TBC1D5: variants seen among roughly 807,000 people sequenced by gnomAD.
TBC1D5 encodes the protein TBC1 domain family, member 5.
Under a neutral mutation model 100.3 loss-of-function variants are expected in TBC1D5, and 75 were observed. The ratio of observed to expected loss-of-function variants is 0.75; its 90% CI spans 0.62 to 0.91. The LOEUF (loss-of-function observed/expected upper bound fraction) is 0.91. Ranked by LOEUF, TBC1D5 falls within the 40% of genes least tolerant of loss-of-function variation. TBC1D5 has a pLI of 0.00. For synonymous variants in TBC1D5, 323 were observed against 325.6 expected, an observed-to-expected ratio of 0.99 and a Z score of 0.09; for missense variants, 910 against 942.4, an observed-to-expected ratio of 0.97 and a Z score of 0.45.
chr3:17,651,080 T>A (rs1232417725), intron 1 of TBC1D5, among the ~76,000 whole-genome samples: 1 of 152,186 alleles, frequency 6.6e-6, no homozygotes, highest in Non-Finnish European at 1.5e-5. Context: ...TTTTTTTTCC[T>A]TCCTTAAAAC....
At chr3:17,431,326 C>T (rs2094444624) in intron 3 of TBC1D5, among the ~76,000 whole-genome samples, 1 of 151,868 alleles carries the variant, frequency 6.6e-6, no homozygotes, top group African/African-American at 2.4e-5. Context: ...GCACAAATAT[C>T]TAAAATGTGG....
intron 9 of TBC1D5, among the ~76,000 whole-genome samples, chr3:17,380,788 A>T (rs2092915520): frequency 6.6e-6 from 1 of 152,112 alleles, no homozygotes; most frequent in African/African-American, 2.4e-5. Flanking sequence ...GGCATCAGGC[A>T]GTCAAAGTTC....
intron 1 of TBC1D5, among the ~76,000 whole-genome samples, chr3:17,694,232 TAC>T (rs1215259727): frequency 6.6e-6 from 1 of 152,110 alleles, no homozygotes; most frequent in Non-Finnish European, 1.5e-5. Context: ...AATAAAGCTG[TAC>T]AGAGAACGAC....
At chr3:17,193,618 A>G (rs1375717096) in intron 18 of TBC1D5, among the ~76,000 whole-genome samples, 2 of 152,204 alleles carry the variant, frequency 1.3e-5, no homozygotes, top group Non-Finnish European at 2.9e-5. Context: ...ACTAAAAAAG[A>G]TCTTCATTTC....
intron 2 of TBC1D5, among the ~76,000 whole-genome samples, chr3:17,611,099 G>C (rs367644148): frequency 2.8e-4 from 42 of 152,224 alleles, no homozygotes; most frequent in African/African-American, 9.1e-4. Context: ...TAATGATAAT[G>C]ATGATGAATG....
In TBC1D5 at chr3:17,710,724, G is replaced by A. The variant is rs1197953145; in HGVS notation, c.-101+28619C>T. 2.0e-5 allele frequency among the ~76,000 whole-genome samples: 3 copies of A among 152,124 alleles called. No homozygotes were observed. In the East Asian group the frequency reaches 5.8e-4, roughly 29 times the overall value. ...ATTTATTTATTTATTTTGAGACAGAGCCTCGCTCTGTTGCCCAGGCTGGTG... is the reference window on the plus strand; with the variant it reads ...ATTTATTTATTTATTTTGAGACAGAACCTCGCTCTGTTGCCCAGGCTGGTG... On this transcript the variant is annotated intron_variant, in intron 1 of 21. Coordinates refer to ENST00000253692, the Ensembl canonical transcript of TBC1D5.
chr3:17,585,810 T>C (rs926222304), intron 2 of TBC1D5, among the ~76,000 whole-genome samples: 2 of 152,200 alleles, frequency 1.3e-5, no homozygotes, highest in Non-Finnish European at 2.9e-5. Context: ...TTTGTTTCGG[T>C]TTCATTTATA....
intron 13 of TBC1D5, among the ~76,000 whole-genome samples, chr3:17,349,073 G>A (rs2090246929): frequency 6.6e-6 from 1 of 152,102 alleles, no homozygotes. Flanking sequence ...TGAGATTAAT[G>A]GCATCTGATG....
At chr3:17,388,856 C>T (rs1016110136) in intron 8 of TBC1D5, among the ~76,000 whole-genome samples, 6 of 151,936 alleles carry the variant, frequency 3.9e-5, no homozygotes, top group African/African-American at 1.5e-4. Flanking sequence ...GAGACACACC[C>T]TGTCTCGAAC....
At chr3:17,719,491 A>G (rs907274090) in intron 1 of TBC1D5, among the ~76,000 whole-genome samples, 2 of 152,138 alleles carry the variant, frequency 1.3e-5, no homozygotes, top group African/African-American at 4.8e-5. Context: ...TTTTCTTAAC[A>G]GTATTACAGA....
At chr3:17,395,770 CTGCAA>C (rs2093486428) in intron 8 of TBC1D5, among the ~76,000 whole-genome samples, 1 of 152,092 alleles carries the variant, frequency 6.6e-6, no homozygotes, top group Non-Finnish European at 1.5e-5. Context: ...AATGAAAGCA[CTGCAA>C]CTATATTTTC....
intron 1 of TBC1D5, among the ~76,000 whole-genome samples, chr3:17,633,764 T>G (rs572075740): frequency 1.1e-3 from 163 of 152,238 alleles, no homozygotes; most frequent in Non-Finnish European, 1.9e-3. Context: ...ATTTAAAAAT[T>G]AATTATAAAA....
chr3:17,573,844 C>T (rs1216678250), intron 2 of TBC1D5, among the ~76,000 whole-genome samples: 1 of 151,898 alleles, frequency 6.6e-6, no homozygotes, highest in Non-Finnish European at 1.5e-5. Context: ...TCACATAATT[C>T]ATCACACTAG....
chr3:17,689,195 A>C (rs1484832872), intron 1 of TBC1D5, among the ~76,000 whole-genome samples: 1 of 152,204 alleles, frequency 6.6e-6, no homozygotes, highest in South Asian at 2.1e-4. Context: ...AATAGCAAAC[A>C]AACAAAAAAG....
chr3:17,186,670 AC>A (rs1278634333), intron 18 of TBC1D5, among the ~76,000 whole-genome samples: 2 of 130,630 alleles, frequency 1.5e-5, no homozygotes, highest in Admixed American at 1.8e-4. Context: ...AGATCATGCC[AC>A]TGCACTCCAG....
chr3:17,246,531 T>A (rs528608222), intron 16 of TBC1D5, among the ~76,000 whole-genome samples: 3 of 152,294 alleles, frequency 2.0e-5, no homozygotes, highest in South Asian at 2.1e-4. Flanking sequence ...TGCTATAAAG[T>A]TATATGATTA....
intron 15 of TBC1D5, among the ~76,000 whole-genome samples, chr3:17,263,702 G>C (rs745411716): frequency 1.3e-5 from 2 of 152,178 alleles, no homozygotes; most frequent in Non-Finnish European, 2.9e-5. Context: ...TGTGGACAAA[G>C]TGACTTACAG....
chr3:17,683,998 G>C (rs1156753312), intron 1 of TBC1D5, among the ~76,000 whole-genome samples: 1 of 152,112 alleles, frequency 6.6e-6, no homozygotes, highest in East Asian at 1.9e-4. Context: ...AGATCACTTA[G>C]ATGACACAGC....
chr3:17,378,711 G>A (rs957710431), intron 9 of TBC1D5, among the ~76,000 whole-genome samples: 6 of 148,714 alleles, frequency 4.0e-5, no homozygotes, highest in Non-Finnish European at 5.9e-5. Context: ...TTTCTATTTT[G>A]CTTTCATGCC....
Sources: gnomAD v4.1 joint callset for allele counts (sites outside exome capture counted in the v4.1 genomes callset) on GRCh38, gnomAD v4.1.1 for gene constraint, MANE v1.5 for transcripts, NCBI Gene and HGNC (gene_info 2026-07-23, HGNC 2026-07-21) for gene names.